Variants in KDM4C observed in about 807,000 individuals in gnomAD.
The protein encoded by KDM4C is lysine demethylase 4C.
In KDM4C, 81 loss-of-function variants were observed where a neutral mutation model predicts 129.3. The observed-to-expected ratio is 0.63, with a 90% CI of 0.52 to 0.75. The LOEUF (loss-of-function observed/expected upper bound fraction) is 0.75. KDM4C is among the 30% of genes least tolerant of loss of function. KDM4C has a pLI of 0.00. For synonymous variants in KDM4C, 573 were observed against 456.1 expected (o/e 1.26, Z -3.26); for missense variants, 1,457 against 1,304.0 (o/e 1.12, Z -1.81).
intron 8 of KDM4C, among the ~76,000 whole-genome samples, chr9:6,965,218 C>T (rs1305625632): frequency 1.3e-5 from 2 of 151,234 alleles, no homozygotes; most frequent in Non-Finnish European, 2.9e-5. Context: ...AAGCCTTGAG[C>T]TTAACACAAG....
intron 15 of KDM4C, among the ~76,000 whole-genome samples, chr9:7,028,689 GT>G (rs1826211637): frequency 6.6e-6 from 1 of 152,054 alleles, no homozygotes; most frequent in Admixed American, 6.6e-5. Flanking sequence ...TGCCTTTCAT[GT>G]TTATTTCGCA....
intron 8 of KDM4C, among the ~76,000 whole-genome samples, chr9:6,930,269 C>T (rs1823423080): frequency 6.6e-6 from 1 of 152,114 alleles, no homozygotes; most frequent in African/African-American, 2.4e-5. Context: ...TTCACATTCT[C>T]AGAATAACGC....
At chr9:6,725,754 G>C (rs1050061525) in intron 1 of KDM4C, among the ~76,000 whole-genome samples, 5 of 146,292 alleles carry the variant, frequency 3.4e-5, no homozygotes, top group African/African-American at 1.3e-4. Flanking sequence ...CTGTTGCCCA[G>C]GCTGGAGTGC....
intron 8 of KDM4C, among the ~76,000 whole-genome samples, chr9:6,945,914 G>C (rs1167869624): frequency 6.6e-6 from 1 of 152,110 alleles, no homozygotes; most frequent in Non-Finnish European, 1.5e-5. Context: ...GGAACTCACA[G>C]ATTTTATGAT....
chr9:6,758,199 G>T lies in KDM4C; in HGVS notation c.-22G>T, dbSNP rs1818637124. The T allele has an allele frequency of 6.1e-6, 6 of 985,932 alleles. No homozygotes were observed. The highest frequency in any genetic ancestry group is 7.2e-6 in the Non-Finnish European group (6 of 830,342). 61.1% of individuals were successfully genotyped at this position (985,932 alleles called of 1,614,324 possible). On this transcript the variant is annotated 5_prime_UTR_variant, in exon 1 of 22. Coordinates refer to ENST00000381309, the MANE Select transcript of KDM4C (RefSeq NM_015061.6). This position sits in a 1 kb window ranked among gnomAD's most constrained non-coding sequence, Gnocchi z 4.6. The stretch of plus-strand genomic sequence containing the variant: ...GTCGTGCTCTCGCCCCAACCCGCGC[G>T]CCAGGTAACCGCTTTTCCGGAGTCT...
intron 5 of KDM4C, among the ~76,000 whole-genome samples, chr9:6,855,784 A>G (rs1214202396): frequency 6.6e-6 from 1 of 152,234 alleles, no homozygotes; most frequent in Non-Finnish European, 1.5e-5. Context: ...AGAATGAGCA[A>G]GTTATATGGT....
intron 12 of KDM4C, among the ~76,000 whole-genome samples, chr9:7,010,827 T>C (rs1822542051): frequency 6.6e-6 from 1 of 152,148 alleles, no homozygotes; most frequent in Admixed American, 6.6e-5. Flanking sequence ...GTGGATCACC[T>C]GAGGTCAGGA....
intron 19 of KDM4C, among the ~76,000 whole-genome samples, chr9:7,135,341 T>C (rs1841083662): frequency 6.6e-6 from 1 of 152,204 alleles, no homozygotes; most frequent in Admixed American, 6.5e-5. Context: ...TGGGAACTTA[T>C]TCCCAAAGGA....
intron 16 of KDM4C, among the ~76,000 whole-genome samples, chr9:7,048,004 A>G (rs1231497554): frequency 6.6e-6 from 1 of 152,074 alleles, no homozygotes; most frequent in African/African-American, 2.4e-5. Flanking sequence ...TCATTATTAC[A>G]TTAATAAAAT....
intron 8 of KDM4C, among the ~76,000 whole-genome samples, chr9:6,895,326 G>A (rs1344793605): frequency 6.6e-6 from 1 of 152,106 alleles, no homozygotes; most frequent in African/African-American, 2.4e-5. Context: ...TGCTCCTTTG[G>A]GTTGTTGGCT....
At chr9:7,089,680 C>T (rs896656139) in intron 17 of KDM4C, among the ~76,000 whole-genome samples, 3 of 152,146 alleles carry the variant, frequency 2.0e-5, no homozygotes, top group Non-Finnish European at 4.4e-5. Flanking sequence ...GTTACATGTT[C>T]CCATAAACTC....
chr9:7,000,474 A>G (rs538313009), intron 12 of KDM4C, among the ~76,000 whole-genome samples: 27 of 152,324 alleles, frequency 1.8e-4, no homozygotes, highest in Admixed American at 1.0e-3. Flanking sequence ...CTTTGGGTTC[A>G]TGTATGCCTT....
rs1822729251 is a variant in KDM4C, at chr9:7,011,714, G to C, written c.1803G>C (p.Leu601=). ...APSDEELPEV[L]SIEEEVEETE... is the part of the protein sequence containing the mutation. ...TCCCTTAAGAATTGCCTGAGGTTCT[G>C]TCCATTGAGGAGGAAGTGGAAGAAA... Residue 601 remains leucine, a synonymous_variant, in exon 13 of 22, where the codon CTG becomes CTC. Transcript: ENST00000381309. The C allele has an allele frequency of 9.3e-6, 15 of 1,614,174 alleles. No homozygotes were observed. The East Asian group carries it at 3.3e-4, about 36-fold the overall frequency.
chr9:6,938,842 G>C (rs1217662662), intron 8 of KDM4C, among the ~76,000 whole-genome samples: 1 of 142,406 alleles, frequency 7.0e-6, no homozygotes, highest in African/African-American at 2.5e-5. Context: ...TTATTTTTCA[G>C]ATACACTAAT....
intron 15 of KDM4C, among the ~76,000 whole-genome samples, chr9:7,039,316 C>T (rs4742287): frequency 6.6e-6 from 1 of 151,674 alleles, no homozygotes; most frequent in South Asian, 2.1e-4. Context: ...CTGTCTTTCT[C>T]CTCTCTAATT....
chr9:6,744,483 C>A (rs1449897061), intron 1 of KDM4C, among the ~76,000 whole-genome samples: 1 of 152,052 alleles, frequency 6.6e-6, no homozygotes, highest in East Asian at 1.9e-4. Flanking sequence ...TGAGATCGCA[C>A]CACTGCCCTC....
intron 19 of KDM4C, among the ~76,000 whole-genome samples, chr9:7,159,223 GTC>G (rs1843517558): frequency 6.6e-6 from 1 of 152,106 alleles, no homozygotes; most frequent in South Asian, 2.1e-4. Flanking sequence ...ACCTGTGTGT[GTC>G]TCTGCACATG....
intron 8 of KDM4C, among the ~76,000 whole-genome samples, chr9:6,923,549 C>T (rs1280932401): frequency 6.6e-6 from 1 of 152,118 alleles, no homozygotes; most frequent in African/African-American, 2.4e-5. Flanking sequence ...TTTTACTTTC[C>T]ATGAATTCCA....
chr9:7,020,913 CTTT>C (rs34853871), intron 15 of KDM4C, among the ~76,000 whole-genome samples: 1 of 141,720 alleles, frequency 7.1e-6, no homozygotes, highest in Non-Finnish European at 1.5e-5. Context: ...ATTCATTTTC[CTTT>C]TTTTTTTTTT....
Sources: gnomAD v4.1 joint callset for allele counts (sites outside exome capture counted in the v4.1 genomes callset) on GRCh38, gnomAD v4.1.1 for gene constraint, Gnocchi (gnomAD v3.1) non-coding constraint, MANE v1.5 for transcripts, NCBI Gene and HGNC (gene_info 2026-07-23, HGNC 2026-07-21) for gene names.